INPP4B: variants seen among roughly 807,000 people sequenced by gnomAD.
INPP4B encodes the protein inositol polyphosphate-4-phosphatase type II B.
A neutral mutation model predicts 122.5 loss-of-function variants in INPP4B; 55 were observed. The observed-to-expected ratio is 0.45, with a 90% CI of 0.36 to 0.56. The LOEUF (loss-of-function observed/expected upper bound fraction) is 0.56. Among genes scored for constraint, INPP4B ranks in the 20% least tolerant of loss-of-function variants. INPP4B has a pLI of 0.00. For synonymous variants in INPP4B, 403 were observed against 388.7 expected (o/e 1.04, Z -0.43); for missense variants, 1,000 against 1,097.7 (o/e 0.91, Z 1.26).
At chr4:142,286,872 T>C (rs1027976371) in intron 9 of INPP4B, 4 of 152,242 alleles carry the variant, frequency 2.6e-5, no homozygotes, top group Non-Finnish European at 5.9e-5. Flanking sequence ...TAGTTTATTG[T>C]CTTTATCTAA....
intron 25 of INPP4B, chr4:142,029,859 G>C (rs963396654): frequency 1.8e-6 from 2 of 1,082,970 alleles, no homozygotes; most frequent in Non-Finnish European, 2.2e-6. Context: ...TCAGGATTCT[G>C]TTCTTTGTCT....
chr4:142,493,397 A>G (rs1560719873), intron 2 of INPP4B, among the ~76,000 whole-genome samples: 3 of 152,256 alleles, frequency 2.0e-5, no homozygotes, highest in Admixed American at 2.0e-4. Context: ...ACCTTGCACT[A>G]TGCACCTAGA....
At chr4:142,337,930 A>G (rs1777398564) in intron 7 of INPP4B, among the ~76,000 whole-genome samples, 1 of 151,590 alleles carries the variant, frequency 6.6e-6, no homozygotes, top group South Asian at 2.1e-4. Context: ...AGTGAGGGGA[A>G]AAAGGAGTAT....
intron 11 of INPP4B, among the ~76,000 whole-genome samples, chr4:142,259,128 C>G (rs909074400): frequency 9.6e-5 from 14 of 145,734 alleles, no homozygotes; most frequent in African/African-American, 2.5e-4. Flanking sequence ...ACCGCATATT[C>G]TCACTCATAG....
chr4:142,242,069 T>C (rs1004572353), intron 11 of INPP4B, among the ~76,000 whole-genome samples: 1 of 152,240 alleles, frequency 6.6e-6, no homozygotes, highest in Non-Finnish European at 1.5e-5. Context: ...CAGCTAAATG[T>C]ATCTATATTG....
At chr4:142,509,940 G>T (rs1186484594) in intron 2 of INPP4B, among the ~76,000 whole-genome samples, 1 of 152,100 alleles carries the variant, frequency 6.6e-6, no homozygotes, top group Non-Finnish European at 1.5e-5. Context: ...GGAAACCTAA[G>T]AATTTACTAC....
At chr4:142,686,962 G>A (rs1759433015) in intron 2 of INPP4B, among the ~76,000 whole-genome samples, 1 of 151,708 alleles carries the variant, frequency 6.6e-6, no homozygotes, top group African/African-American at 2.4e-5. Context: ...TAGATTTTGG[G>A]GCGAAAAAAG....
intron 1 of INPP4B, among the ~76,000 whole-genome samples, chr4:142,749,684 C>T (rs1042992745): frequency 2.0e-5 from 3 of 151,892 alleles, no homozygotes; most frequent in African/African-American, 7.2e-5. Context: ...AACAGTATTA[C>T]ACAGTGCTGA....
chr4:142,082,279 T>A, intron 24 of INPP4B, 94 bp from the exon 25 acceptor site: 1 of 1,063,766 alleles, frequency 9.4e-7, no homozygotes, highest in African/African-American at 1.6e-5. Context: ...ACACATCAAA[T>A]ATAAATTTGG....
chr4:142,620,220 A>T (rs114501453), intron 2 of INPP4B, among the ~76,000 whole-genome samples: 1,651 of 152,058 alleles, frequency 0.011, 30 homozygotes, highest in African/African-American at 0.038. Context: ...TCATTACCAC[A>T]CTAATCACAA....
intron 2 of INPP4B, among the ~76,000 whole-genome samples, chr4:142,472,152 C>G (rs1245311058): frequency 6.6e-6 from 1 of 151,674 alleles, no homozygotes; most frequent in Admixed American, 6.6e-5. Context: ...TCTAGGAATT[C>G]TTAAATTCTT....
intron 2 of INPP4B, among the ~76,000 whole-genome samples, chr4:142,499,971 C>T (rs1560727902): frequency 2.0e-5 from 3 of 152,088 alleles, no homozygotes; most frequent in African/African-American, 7.2e-5. Context: ...GCCAAATCCC[C>T]TGCCTGGTCC....
At chr4:142,492,207 T>A (rs1055323789) in intron 2 of INPP4B, among the ~76,000 whole-genome samples, 1 of 152,114 alleles carries the variant, frequency 6.6e-6, no homozygotes, top group African/African-American at 2.4e-5. Flanking sequence ...TCCAGACATG[T>A]TGAATTGTGA....
At chr4:142,228,103 T>G (rs1207356410) in intron 12 of INPP4B, among the ~76,000 whole-genome samples, 2 of 151,820 alleles carry the variant, frequency 1.3e-5, no homozygotes, top group Non-Finnish European at 2.9e-5. Flanking sequence ...ATCTAAGATC[T>G]GCTCATCACA....
intron 2 of INPP4B, among the ~76,000 whole-genome samples, chr4:142,541,473 A>G (rs1218395292): frequency 6.6e-6 from 1 of 152,126 alleles, no homozygotes; most frequent in Non-Finnish European, 1.5e-5. Context: ...ACAAACCCCT[A>G]GGGATTAAAA....
chr4:142,436,142 C>T (rs148992653), intron 3 of INPP4B, among the ~76,000 whole-genome samples: 172 of 152,306 alleles, frequency 1.1e-3, no homozygotes, highest in African/African-American at 1.4e-3. Context: ...TGGCAGACTA[C>T]GGCCAGATTG....
At chr4:142,558,870 G>A (rs551547153) in intron 2 of INPP4B, among the ~76,000 whole-genome samples, 10 of 145,436 alleles carry the variant, frequency 6.9e-5, no homozygotes, top group Admixed American at 7.0e-5. Flanking sequence ...GTCCTTGATC[G>A]CCTGTCAGGT....
At chr4:142,632,364 C>T (rs956974323) in intron 2 of INPP4B, among the ~76,000 whole-genome samples, 1 of 151,970 alleles carries the variant, frequency 6.6e-6, no homozygotes, top group East Asian at 1.9e-4. Flanking sequence ...CATGATTTCA[C>T]TCATATGTAG....
chr4:142,655,015 A>G (rs1323547754), intron 2 of INPP4B, among the ~76,000 whole-genome samples: 1 of 152,214 alleles, frequency 6.6e-6, no homozygotes, highest in African/African-American at 2.4e-5. Flanking sequence ...AGTCACCTTC[A>G]GATACATTAT....
Sources: allele counts gnomAD v4.1 joint callset (sites outside exome capture counted in the v4.1 genomes callset), GRCh38; gene constraint gnomAD v4.1.1; transcripts MANE v1.5; gene names NCBI Gene and HGNC (gene_info 2026-07-23, HGNC 2026-07-21).